The following ITGB2 variants were observed in gnomAD, a reference collection of about 807,000 sequenced individuals.
ITGB2 encodes the protein integrin beta-2.
ITGB2 carries 56 observed loss-of-function variants against 86.8 expected under a neutral mutation model. That is an observed-to-expected ratio of 0.65 (90% CI 0.52 to 0.81). The LOEUF (loss-of-function observed/expected upper bound fraction) is 0.81, where lower values mean the gene tolerates loss of function less well. Among genes scored for constraint, ITGB2 ranks in the 30% least tolerant of loss-of-function variants. ITGB2 has a pLI of 0.00. For synonymous variants in ITGB2, 457 were observed against 450.4 expected (o/e 1.01, Z -0.19); for missense variants, 948 against 1,061.2 (o/e 0.89, Z 1.48).
At chr21:44,902,582 TGTGTGTGAGCATGCATTCGC>T (rs2083978399) in intron 5 of ITGB2, among the ~76,000 whole-genome samples, 1 of 151,926 alleles carries the variant, frequency 6.6e-6, no homozygotes, top group Non-Finnish European at 1.5e-5. Context: ...GGTGTGCTTT[TGTGTGTGAGCATGCATTCGC>T]GTGTGTGAGC....
rs745512221 is a variant in ITGB2 at position 44,890,059 on chromosome 21, C to T, written c.1576G>A (p.Gly526Ser). ...QCLCHTSDVP[G>S]KLIYGQYCEC... ...CAGTACTGCCCGTATATCAGCTTGCCGGGGACGTCGCTGGTGTGGCACAGG... is the reference window on the plus strand; with the variant it reads ...CAGTACTGCCCGTATATCAGCTTGCTGGGGACGTCGCTGGTGTGGCACAGG... The change falls in exon 12 of 16, where the codon GGC becomes AGC. Residue 526 changes from glycine to serine, a missense_variant. Transcript: ENST00000652462. The T allele has an allele frequency of 1.4e-5, 23 of 1,613,382 alleles. No individual in the cohort carries two copies. The highest frequency in any genetic ancestry group is 5.5e-5 in the South Asian group (5 of 91,088).
chr21:44,893,457 T>C lies in ITGB2; in HGVS notation c.1171A>G (p.Thr391Ala). The stretch of plus-strand genomic sequence containing the variant: ...TCACCTCTGGGCTGGTTCCTGTGCG[T>C]CACTCCATTGCTGCAGAAGGAGTCG... ...TYDSFCSNGV[T>A]HRNQPRGDCD... Residue 391 changes from threonine (T) to alanine (A), a missense_variant, in exon 10 of 16, where the codon ACG (threonine) becomes GCG (alanine). By Grantham distance (58) the Thr-to-Ala change is moderately conservative. Coordinates refer to ENST00000652462, the MANE Select transcript of ITGB2 (RefSeq NM_000211.5). 1 of 1,614,182 alleles carries C rather than the reference T, an allele frequency of 6.2e-7. No individual in the cohort carries two copies. Among genetic ancestry groups the C allele is most frequent in the Non-Finnish European group, 8.5e-7 (1 of 1,180,012 alleles).
intron 5 of ITGB2, 172 bp from the exon 6 acceptor site, chr21:44,901,905 A>G: frequency 1.5e-6 from 1 of 676,740 alleles, no homozygotes; most frequent in East Asian, 2.7e-5. Context: ...GCAAGCACAC[A>G]TGTGAACGTA....
At position 44,916,089 on chromosome 21, in the gene ITGB2, AT is replaced by A. The variant is rs113859315; in HGVS notation, c.-4+4731del. On this transcript the variant is annotated intron_variant, in intron 1 of 15. Transcript: ENST00000652462. The stretch of plus-strand genomic sequence containing the variant: ...AGGTGCACACCACTAGGCCCAGCTA[AT>A]TTTTGTATTTTTAGTAGAGATGGAG... Among the ~76,000 whole-genome samples, 1,059 of 152,124 alleles carry A rather than the reference AT, an allele frequency of 7.0e-3. 9 individuals are homozygous for A. The highest frequency in any genetic ancestry group is 0.024 in the African/African-American group (983 of 41,504).
intron 3 of ITGB2, chr21:44,907,992 C>A (rs2084069070): frequency 1.4e-6 from 1 of 710,528 alleles, no homozygotes; most frequent in African/African-American, 1.8e-5. Flanking sequence ...ACAAATCTCA[C>A]TGAAAGGTGT....
intron 1 of ITGB2, among the ~76,000 whole-genome samples, chr21:44,926,147 T>A (rs966313573): frequency 2.0e-5 from 3 of 151,164 alleles, no homozygotes; most frequent in East Asian, 1.9e-4. Context: ...ATTAATTAAT[T>A]AAATAAAGGC....
Position 44,910,817 on chromosome 21 carries a change from C to T in ITGB2, c.-3-32G>A, listed in dbSNP as rs983801863. The T allele has an allele frequency of 4.4e-6, 7 of 1,604,798 alleles. No homozygotes were observed. In the Middle Eastern group the frequency reaches 5.1e-4, roughly 117 times the overall value. On this transcript the variant is annotated intron_variant, in intron 1 of 15. Coordinates refer to ENST00000652462, the MANE Select transcript of ITGB2 (RefSeq NM_000211.5). ...AGGGAAGGGGTCTTGGTGACGGTCT[C>T]AGGCCCAACCCCTGGGGCTGACCAC...
intron 3 of ITGB2, chr21:44,908,136 G>A (rs1037404109): frequency 4.1e-6 from 3 of 737,906 alleles, no homozygotes; most frequent in Middle Eastern, 2.3e-4. Context: ...TCTCCTCCGG[G>A]GACTGCTCGC....
At chr21:44,900,748 T>C (rs2083943189) in intron 6 of ITGB2, among the ~76,000 whole-genome samples, 1 of 152,138 alleles carries the variant, frequency 6.6e-6, no homozygotes, top group African/African-American at 2.4e-5. Flanking sequence ...GTCCCTGCAC[T>C]TCAGAGCTGG....
intron 1 of ITGB2, among the ~76,000 whole-genome samples, chr21:44,915,178 C>T (rs1316522298): frequency 6.6e-6 from 1 of 152,100 alleles, no homozygotes; most frequent in Non-Finnish European, 1.5e-5. Context: ...CTCCCACGAC[C>T]ACGCCCAGCT....
intron 1 of ITGB2, among the ~76,000 whole-genome samples, chr21:44,918,344 G>A (rs1187447440): frequency 6.6e-6 from 1 of 152,266 alleles, no homozygotes; most frequent in East Asian, 1.9e-4. Flanking sequence ...GCGTCACGCT[G>A]CCCCATCCAC....
Position 44,889,477 on chromosome 21 carries a change from C to T in ITGB2, c.1676G>A (p.Cys559Tyr), listed in dbSNP as rs1601282835. The T allele has an allele frequency of 6.3e-7, 1 of 1,576,034 alleles. No individual in the cohort carries two copies. The highest frequency in any genetic ancestry group is 1.7e-4 in the Middle Eastern group (1 of 5,932). The change falls in exon 13 of 16, where the codon TGC becomes TAC. Residue 559 changes from cysteine to tyrosine, a missense_variant. Transcript: ENST00000652462. Reference sequence around the variant, plus strand: ...GCCCGGGTGGCAGCGGCACTTCCCGCAGAAGCAGAGCCCCCTCCCTGGAAG... The same window carrying T: ...GCCCGGGTGGCAGCGGCACTTCCCGTAGAAGCAGAGCCCCCTCCCTGGAAG... The part of the protein sequence containing the change: ...CGGPGRGLCF[C>Y]GKCRCHPGFE...
Position 44,904,969 on chromosome 21 carries a change from A to G in ITGB2, c.329-1434T>C, listed in dbSNP as rs191171521. ...GCTTCACTTGGCCTCTGGGCCAAGG[A>G]CCCCAATCACTTTCTATGAAGGGCC... On this transcript the variant is annotated intron_variant, in intron 4 of 15. Transcript: ENST00000652462. Among the ~76,000 whole-genome samples the G allele has an allele frequency of 3.3e-5, 5 of 152,296 alleles. No homozygotes were observed. The East Asian group carries it at 7.7e-4, about 24-fold the overall frequency.
At chr21:44,892,561 C>T (rs1255047928) in intron 10 of ITGB2, among the ~76,000 whole-genome samples, 2 of 136,748 alleles carry the variant, frequency 1.5e-5, no homozygotes, top group Non-Finnish European at 3.0e-5. Flanking sequence ...GCCAAGATCG[C>T]ACCAGTGCAC....
intron 1 of ITGB2, among the ~76,000 whole-genome samples, chr21:44,912,793 AGGGTCC>A (rs2084153628): frequency 9.1e-6 from 1 of 109,772 alleles, no homozygotes; most frequent in Admixed American, 8.3e-5. Flanking sequence ...CCCAGGGTGC[AGGGTCC>A]AGCCAGCTTC....
At chr21:44,919,019 A>AGCTG in intron 1 of ITGB2, among the ~76,000 whole-genome samples, 1 of 150,890 alleles carries the variant, frequency 6.6e-6, no homozygotes. Flanking sequence ...CAGCACTCGG[A>AGCTG]GGCACCTGCA....
At chr21:44,887,044 GC>G in intron 14 of ITGB2, 142 bp from the exon 15 acceptor site, 1 of 1,009,206 alleles carries the variant, frequency 9.9e-7, no homozygotes, top group Non-Finnish European at 1.5e-6. Flanking sequence ...CATCACCATG[GC>G]CAGGGGTCAG....
At chr21:44,923,569 A>G (rs941947538), upstream of ITGB2, among the ~76,000 whole-genome samples, 1 of 152,196 alleles carries the variant, frequency 6.6e-6, no homozygotes, top group Non-Finnish European at 1.5e-5. Flanking sequence ...TCACTAATCT[A>G]TTCTCTCTAC....
chr21:44,889,124 G>A lies in ITGB2; in HGVS notation c.1877+152C>T, dbSNP rs2083745109. ...GAGGGAGGAGGGACACAGGGGCACG[G>A]CGGCCGCGGAGGGCCCCTCAGTCCA... On this transcript the variant is annotated intron_variant, in intron 13 of 15. Transcript: ENST00000652462. 9.1e-6 allele frequency: 7 copies of A among 767,544 alleles called. No homozygotes were observed. In the Admixed American group the frequency reaches 1.5e-4, roughly 17 times the overall value. The allele number at this position is 767,544 out of a possible 1,614,324, so 47.5% of individuals were successfully genotyped here.
Sources: allele counts gnomAD v4.1 joint callset (sites outside exome capture counted in the v4.1 genomes callset), GRCh38; gene constraint gnomAD v4.1.1; transcripts MANE v1.5; gene names NCBI Gene and HGNC (gene_info 2026-07-23, HGNC 2026-07-21).